Variants in ATP1B1 observed in about 807,000 individuals in gnomAD.
ATP1B1 encodes the protein ATPase Na+/K+ transporting subunit beta 1.
In ATP1B1, 3 loss-of-function variants were observed where a neutral mutation model predicts 39.6. That is an observed-to-expected ratio of 0.08 (90% CI 0.03 to 0.20). ATP1B1 has a LOEUF of 0.20. Ranked by LOEUF, ATP1B1 falls within the 10% of genes least tolerant of loss-of-function variation. ATP1B1 has a pLI of 1.00. For synonymous variants in ATP1B1, 139 were observed against 135.0 expected (o/e 1.03, Z -0.20); for missense variants, 216 against 371.1 (o/e 0.58, Z 3.43).
At chr1:169,129,947 TTA>T in intron 4 of ATP1B1, 61 bp from the exon 5 acceptor site, 10 of 1,543,094 alleles carry the variant, frequency 6.5e-6, no homozygotes, top group Non-Finnish European at 8.9e-6. Context: ...CGGAGTAGTT[TTA>T]TTTTTCAGAA....
intron 1 of ATP1B1, chr1:169,110,567 CT>C (rs11423213): frequency 0.09 from 38,989 of 432,220 alleles, 2 homozygotes; most frequent in Non-Finnish European, 0.11. Context: ...TGTGTTGAGT[CT>C]TTTTTTTTTT....
chr1:169,119,952 G>A (rs761319333), intron 2 of ATP1B1, among the ~76,000 whole-genome samples: 1 of 151,792 alleles, frequency 6.6e-6, no homozygotes, highest in Non-Finnish European at 1.5e-5. Context: ...TCTCTTGTGA[G>A]TATCTAGTTG....
In ATP1B1 at chr1:169,106,769, C is replaced by A; in HGVS notation, c.-61C>A. 7.1e-7 allele frequency: 1 copy of A among 1,418,222 alleles called. No individual in the cohort carries two copies. Among genetic ancestry groups the A allele is most frequent in the Non-Finnish European group, 9.6e-7 (1 of 1,044,522 alleles). 87.9% of individuals were successfully genotyped at this position (1,418,222 alleles called of 1,614,324 possible). On this transcript the variant is annotated 5_prime_UTR_variant, in exon 1 of 6. Transcript: ENST00000367815. ...AGAAGCCGAGCGGCGCAGAGGACGC[C>A]AGGGCGCGCGCCGCAGCCACCCACC...
At chr1:169,119,217 T>C (rs1200151) in intron 2 of ATP1B1, among the ~76,000 whole-genome samples, 54,892 of 152,050 alleles carry the variant, frequency 0.36, 10,643 homozygotes, top group African/African-American at 0.51. Flanking sequence ...AAAGTTGAAA[T>C]ACTCATTGAA....
Position 169,111,425 on chromosome 1 carries a change from C to T in ATP1B1, c.153C>T (p.Ile51=), listed in dbSNP as rs1277290802. The change falls in exon 2 of 6, where the codon ATC becomes ATT. Residue 51 remains isoleucine, a synonymous_variant. Coordinates refer to ENST00000367815, the MANE Select transcript of ATP1B1 (RefSeq NM_001677.4). ...ATGGCTGCCTGGCTGGCATCTTCAT[C>T]GGAACCATCCAAGTGATGCTGCTCA... The part of the protein sequence containing the change: ...IFYGCLAGIF[I]GTIQVMLLTI... 5 of 1,614,086 alleles carry T rather than the reference C, an allele frequency of 3.1e-6. No homozygotes were observed. The highest frequency in any genetic ancestry group is 1.1e-5 in the South Asian group (1 of 91,086).
chr1:169,118,243 G>A (rs996575161), intron 2 of ATP1B1, among the ~76,000 whole-genome samples: 7 of 152,186 alleles, frequency 4.6e-5, no homozygotes, highest in Non-Finnish European at 8.8e-5. Context: ...CAGAGTTCAC[G>A]GCATTTAGCT....
At chr1:169,108,490 T>C (rs1204047274) in intron 1 of ATP1B1, among the ~76,000 whole-genome samples, 1 of 152,126 alleles carries the variant, frequency 6.6e-6, no homozygotes, top group African/African-American at 2.4e-5. Flanking sequence ...CCTTCTCTGG[T>C]GGTCTGACCC....
intron 2 of ATP1B1, among the ~76,000 whole-genome samples, chr1:169,122,507 A>G (rs1657998868): frequency 6.6e-6 from 1 of 152,180 alleles, no homozygotes. Context: ...ATAAATGATC[A>G]CAATGCCAAT....
Position 169,131,262 on chromosome 1 carries a change from A to T in ATP1B1, c.649-30A>T. The T allele has an allele frequency of 6.2e-7, 1 of 1,607,586 alleles. No homozygotes were observed. The highest frequency in any genetic ancestry group is 1.1e-5 in the South Asian group (1 of 89,882). On this transcript the variant is annotated intron_variant, in intron 5 of 5. Transcript: ENST00000367815. The surrounding 1 kb of genome is among the most constrained non-coding windows in gnomAD (Gnocchi z 4.4). ...CACATAGTGATGCATGATGTGAGCC[A>T]TTAAAATTTCATTTCATTCTGGATT...
intron 2 of ATP1B1, among the ~76,000 whole-genome samples, chr1:169,114,268 A>G (rs1345955214): frequency 6.6e-6 from 1 of 151,504 alleles, no homozygotes; most frequent in East Asian, 1.9e-4. Context: ...ATACCCTGAC[A>G]ATTTTTTGGC....
In ATP1B1 at chr1:169,131,791, C is replaced by T. The variant is rs751815876; in HGVS notation, c.*236C>T. The T allele has an allele frequency of 2.5e-5, 13 of 526,914 alleles. No homozygotes were observed. The highest frequency in any genetic ancestry group is 7.0e-5 in the East Asian group (2 of 28,708). 32.6% of individuals were successfully genotyped at this position (526,914 alleles called of 1,614,324 possible). ...GAAAAAGAAAAATTGAGCCTTGGGA[C>T]GTGCCCATTTTTACTGTAAATTATG... On this transcript the variant is annotated 3_prime_UTR_variant, in exon 6 of 6. Coordinates refer to ENST00000367815, the MANE Select transcript of ATP1B1 (RefSeq NM_001677.4). This position sits in a 1 kb window ranked among gnomAD's most constrained non-coding sequence, Gnocchi z 4.4.
chr1:169,106,721 C>T lies in ATP1B1; in HGVS notation c.-109C>T, dbSNP rs1379092845. 10 of 826,022 alleles carry T rather than the reference C, an allele frequency of 1.2e-5. No individual in the cohort carries two copies. Among genetic ancestry groups the T allele is most frequent in the Admixed American group, 4.3e-5 (1 of 23,056 alleles). The allele number at this position is 826,022 out of a possible 1,614,324, so 51.2% of individuals were successfully genotyped here. ...AGAGCCGCAGCGGCAGCGGCGCGTC[C>T]TGCCTGCAGAGAGCCAGGCCGGAGA... On this transcript the variant is annotated 5_prime_UTR_variant, in exon 1 of 6. Coordinates refer to ENST00000367815, the MANE Select transcript of ATP1B1 (RefSeq NM_001677.4).
At chr1:169,130,465 A>C (rs1658185818) in intron 5 of ATP1B1, among the ~76,000 whole-genome samples, 1 of 152,150 alleles carries the variant, frequency 6.6e-6, no homozygotes, top group Non-Finnish European at 1.5e-5. Context: ...TGTCACATAA[A>C]AATTAGTGGT....
intron 2 of ATP1B1, among the ~76,000 whole-genome samples, chr1:169,113,717 T>A (rs1657774656): frequency 1.3e-5 from 2 of 152,132 alleles, no homozygotes; most frequent in Admixed American, 6.5e-5. Context: ...GTACCTATAT[T>A]TAGTGTGCTC....
At chr1:169,127,560 A>C in intron 4 of ATP1B1, 152 bp downstream of exon 4, 1 of 748,928 alleles carries the variant, frequency 1.3e-6, no homozygotes, top group South Asian at 2.0e-5. Flanking sequence ...TTCTGTATCC[A>C]CCCTGCAATT....
Position 169,119,867 on chromosome 1 carries a change from T to C in ATP1B1, c.227-5017T>C, listed in dbSNP as rs190134068. Among the ~76,000 whole-genome samples, 33 of 152,230 alleles carry C rather than the reference T, an allele frequency of 2.2e-4. No homozygotes were observed. In the East Asian group the frequency reaches 6.4e-3, roughly 29 times the overall value. ...AAATCCAATCCCATTGCTTTCTATCTCTTCTTAACAGTCTGATAATCCTAA... is the reference window on the plus strand; with the variant it reads ...AAATCCAATCCCATTGCTTTCTATCCCTTCTTAACAGTCTGATAATCCTAA... On this transcript the variant is annotated intron_variant, in intron 2 of 5. Transcript: ENST00000367815.
intron 1 of ATP1B1, 68 bp downstream of exon 1, chr1:169,106,994 A>T: frequency 6.9e-7 from 1 of 1,452,938 alleles, no homozygotes; most frequent in South Asian, 1.2e-5. Context: ...TCCCCTGCGC[A>T]GGGTCCGCGG....
chr1:169,116,209 C>T (rs1351048155), intron 2 of ATP1B1, among the ~76,000 whole-genome samples: 1 of 152,254 alleles, frequency 6.6e-6, no homozygotes, highest in African/African-American at 2.4e-5. Context: ...TCACATCCGC[C>T]ATTGCCCTTC....
intron 1 of ATP1B1, among the ~76,000 whole-genome samples, chr1:169,109,794 G>A (rs749107182): frequency 4.9e-4 from 74 of 151,996 alleles, no homozygotes; most frequent in Non-Finnish European, 5.1e-4. Context: ...GCAGCAAGAG[G>A]AAACTTGAAT....
Sources: gnomAD v4.1 joint callset for allele counts (sites outside exome capture counted in the v4.1 genomes callset) on GRCh38, gnomAD v4.1.1 for gene constraint, Gnocchi (gnomAD v3.1) non-coding constraint, MANE v1.5 for transcripts, NCBI Gene and HGNC (gene_info 2026-07-23, HGNC 2026-07-21) for gene names.